The following ARHGAP32 variants were observed in gnomAD, a reference collection of about 807,000 sequenced individuals.
ARHGAP32 encodes the protein rho GTPase-activating protein 32.
ARHGAP32 carries 51 observed loss-of-function variants against 186.5 expected under a neutral mutation model. That is an observed-to-expected ratio of 0.27 (90% CI 0.22 to 0.35). The LOEUF is 0.35. ARHGAP32 is among the 10% of genes least tolerant of loss of function. The probability of loss-of-function intolerance (pLI) is 1.00; values close to 1 mark genes in which losing one functional copy is unlikely to be tolerated. For missense variants in ARHGAP32, 2,186 were observed against 2,623.5 expected (o/e 0.83, Z 3.64); for synonymous variants, 950 against 964.3 (o/e 0.99, Z 0.27).
chr11:129,004,265 T>TTG (rs1491054357), intron 11 of ARHGAP32, among the ~76,000 whole-genome samples: 1 of 125,062 alleles, frequency 8.0e-6, no homozygotes, highest in African/African-American at 3.3e-5. Context: ...TTTTTTTTTT[T>TTG]GAATACTTTC....
intron 1 of ARHGAP32, among the ~76,000 whole-genome samples, chr11:129,269,345 T>C (rs919374309): frequency 6.6e-6 from 1 of 151,560 alleles, no homozygotes; most frequent in African/African-American, 2.4e-5. Context: ...AATGGGATGA[T>C]ATAAAAGAAA....
At chr11:129,169,631 CAAAAAAAAAAAAAA>C (rs35715241) in intron 1 of ARHGAP32, among the ~76,000 whole-genome samples, 1 of 75,150 alleles carries the variant, frequency 1.3e-5, no homozygotes, top group African/African-American at 5.4e-5. Flanking sequence ...GACTCTGTCT[CAAAAAAAAAAAAAA>C]AAAAAAAAAA....
chr11:129,217,083 T>C (rs996907673), intron 1 of ARHGAP32, among the ~76,000 whole-genome samples: 6 of 152,212 alleles, frequency 3.9e-5, no homozygotes, highest in African/African-American at 1.4e-4. Context: ...CTTTGTCCAA[T>C]AATTTATTTT....
chr11:128,971,907 T>C (rs1945385753), intron 22 of ARHGAP32: 1 of 152,324 alleles, frequency 6.6e-6, no homozygotes, highest in Non-Finnish European at 1.5e-5. Flanking sequence ...CACCTGACTA[T>C]GGGACAAACT....
At chr11:129,020,189 CA>C (rs980605543) in intron 11 of ARHGAP32, among the ~76,000 whole-genome samples, 10 of 151,314 alleles carry the variant, frequency 6.6e-5, no homozygotes, top group African/African-American at 2.4e-4. Context: ...AGAACTTTGT[CA>C]AAAAAAATTA....
intron 1 of ARHGAP32, among the ~76,000 whole-genome samples, chr11:129,200,833 A>G (rs1334196322): frequency 6.6e-6 from 1 of 152,208 alleles, no homozygotes; most frequent in African/African-American, 2.4e-5. Context: ...CCTGAACCAT[A>G]AAATGTTTTC....
chr11:129,205,040 A>T (rs2135581883), intron 1 of ARHGAP32, among the ~76,000 whole-genome samples: 1 of 152,300 alleles, frequency 6.6e-6, no homozygotes, highest in East Asian at 1.9e-4. Flanking sequence ...TCATTTGAAG[A>T]ATAAAATATA....
chr11:129,178,738 A>C (rs1055341719), intron 1 of ARHGAP32, among the ~76,000 whole-genome samples: 3 of 152,130 alleles, frequency 2.0e-5, no homozygotes, highest in Non-Finnish European at 4.4e-5. Flanking sequence ...CTGGCTAGCC[A>C]TATGTAGAAA....
chr11:129,273,225 A>G (rs1292136851), intron 1 of ARHGAP32, among the ~76,000 whole-genome samples: 1 of 152,172 alleles, frequency 6.6e-6, no homozygotes, highest in Non-Finnish European at 1.5e-5. Context: ...GAGGGCAAAG[A>G]CTCAATGACA....
intron 12 of ARHGAP32, among the ~76,000 whole-genome samples, chr11:128,990,653 C>A (rs1241361174): frequency 6.6e-6 from 1 of 152,082 alleles, no homozygotes; most frequent in Non-Finnish European, 1.5e-5. Context: ...TAGAAGCAAC[C>A]TCTGTGTCGA....
chr11:128,974,915 C>T lies in ARHGAP32; in HGVS notation c.2282G>A (p.Arg761His), dbSNP rs933222024. The T allele has an allele frequency of 1.4e-5, 22 of 1,613,986 alleles. No individual in the cohort carries two copies. The highest frequency in any genetic ancestry group is 2.2e-5 in the South Asian group (2 of 91,066). Reference protein sequence around the residue: ...ASFNGEMLGNRCNSYDNLPHD... With the variant: ...ASFNGEMLGNHCNSYDNLPHD... Reference sequence around the variant, plus strand: ...AGGCAGATTATCATAGGAGTTACAGCGGTTCCCCAGCATTTCTCCATTAAA... The same window carrying T: ...AGGCAGATTATCATAGGAGTTACAGTGGTTCCCCAGCATTTCTCCATTAAA... Residue 761 changes from arginine to histidine, a missense_variant, in exon 21 of 23, where the codon CGC becomes CAC. Physicochemically the swap from Arg to His is conservative, Grantham distance 29. This residue lies in a region of ARHGAP32 where 263 missense variants were observed against 323.5 expected (regional missense o/e 0.81). Transcript: ENST00000682385.
At chr11:129,217,555 C>G (rs573547991) in intron 1 of ARHGAP32, among the ~76,000 whole-genome samples, 1 of 152,036 alleles carries the variant, frequency 6.6e-6, no homozygotes, top group South Asian at 2.1e-4. Flanking sequence ...CTTTTATAAC[C>G]ATGTATATAT....
chr11:129,001,198 C>A (rs537499440), intron 11 of ARHGAP32, among the ~76,000 whole-genome samples: 8 of 152,100 alleles, frequency 5.3e-5, no homozygotes, highest in East Asian at 1.9e-4. Flanking sequence ...TTTTTGAGGA[C>A]CCTCAAACTA....
chr11:129,102,677 A>C (rs902178600), intron 5 of ARHGAP32, among the ~76,000 whole-genome samples: 6 of 152,180 alleles, frequency 3.9e-5, no homozygotes, highest in Non-Finnish European at 8.8e-5. Flanking sequence ...CTTCACATAC[A>C]TAAGGACACC....
rs144742823 is a variant in ARHGAP32 at position 128,969,042 on chromosome 11, G to A, written c.6171C>T (p.Gly2057=). The change falls in exon 23 of 23, where the codon GGC becomes GGT. Residue 2057 remains glycine, a synonymous_variant. Transcript: ENST00000682385. This position sits in a 1 kb window ranked among gnomAD's most constrained non-coding sequence, Gnocchi z 4.8. ...PQHQRGVFGG[G]GMGTYVPPGF... is the part of the protein sequence containing the mutation. Reference sequence around the variant, plus strand: ...CAGGGGGCACATACGTCCCCATGCCGCCCCCTCCAAAGACTCCTCGCTGGT... The same window carrying A: ...CAGGGGGCACATACGTCCCCATGCCACCCCCTCCAAAGACTCCTCGCTGGT... The A allele has an allele frequency of 3.3e-5, 54 of 1,611,948 alleles. No individual in the cohort carries two copies. In the Admixed American group the frequency reaches 3.5e-4, roughly 10 times the overall value.
intron 5 of ARHGAP32, among the ~76,000 whole-genome samples, chr11:129,110,418 T>C (rs1942175686): frequency 6.6e-6 from 1 of 152,218 alleles, no homozygotes; most frequent in African/African-American, 2.4e-5. Flanking sequence ...TCATTGGCTA[T>C]TCAGGTTCTG....
intron 2 of ARHGAP32, among the ~76,000 whole-genome samples, chr11:129,154,256 A>C (rs1943353201): frequency 6.6e-6 from 1 of 152,188 alleles, no homozygotes; most frequent in African/African-American, 2.4e-5. Context: ...ATGTGGTGAA[A>C]AGGGAACACG....
intron 1 of ARHGAP32, among the ~76,000 whole-genome samples, chr11:129,211,450 G>T (rs1944581221): frequency 6.6e-6 from 1 of 152,154 alleles, no homozygotes; most frequent in African/African-American, 2.4e-5. Flanking sequence ...TTTTTCTGCA[G>T]AATAAAATTG....
intron 2 of ARHGAP32, among the ~76,000 whole-genome samples, chr11:129,137,744 TTAAA>T (rs1469328503): frequency 1.3e-5 from 2 of 151,996 alleles, no homozygotes; most frequent in African/African-American, 4.8e-5. Context: ...GTCTGTGTGT[TTAAA>T]TAAGGCAGCT....
Sources: gnomAD v4.1 joint callset for allele counts (sites outside exome capture counted in the v4.1 genomes callset) on GRCh38, gnomAD v4.1.1 for gene constraint, gnomAD v4.1.1 regional missense constraint, Gnocchi (gnomAD v3.1) non-coding constraint, MANE v1.5 for transcripts, NCBI Gene and HGNC (gene_info 2026-07-23, HGNC 2026-07-21) for gene names.